The following LIM2 variants were observed in gnomAD, a reference collection of about 807,000 sequenced individuals.
LIM2 encodes the protein lens fiber membrane intrinsic protein.
In LIM2, 14 loss-of-function variants were observed where a neutral mutation model predicts 19.0. The observed-to-expected ratio is 0.74, with a 90% CI of 0.49 to 1.15. The LOEUF is 1.15. LIM2 is among the 50% of genes most tolerant of loss of function. The pLI is 0.00. For synonymous variants in LIM2, 78 were observed against 89.6 expected (o/e 0.87, Z 0.73); for missense variants, 230 against 243.5 (o/e 0.94, Z 0.37).
rs1475282515 is a variant in LIM2, at chr19:51,387,410, C to A, written c.34G>T (p.Ala12Ser). 1 of 1,614,140 alleles carries A rather than the reference C, an allele frequency of 6.2e-7. No individual in the cohort carries two copies. The highest frequency in any genetic ancestry group is 8.5e-7 in the Non-Finnish European group (1 of 1,180,036). ...YSFMGGGLFC[A>S]WVGTILLVVA... ...ACCAGGAGGATGGTCCCCACCCAGGCACAGAACAGGCCACCACCCATGAAG... is the reference window on the plus strand; with the variant it reads ...ACCAGGAGGATGGTCCCCACCCAGGAACAGAACAGGCCACCACCCATGAAG... Residue 12 changes from alanine to serine, a missense_variant, in exon 2 of 5, where the codon GCC (alanine) becomes TCC (serine). Physicochemically the swap from Ala to Ser is moderately conservative, Grantham distance 99 (BLOSUM62 1). Coordinates refer to ENST00000596399, the MANE Select transcript of LIM2 (RefSeq NM_001161748.2).
intron 2 of LIM2, among the ~76,000 whole-genome samples, chr19:51,383,548 C>T (rs1239674762): frequency 2.6e-5 from 4 of 152,198 alleles, no homozygotes; most frequent in Admixed American, 1.3e-4. Context: ...TGTTGAGCAC[C>T]GGGGCCATTC....
At chr19:51,385,277 T>G (rs2741240) in intron 2 of LIM2, among the ~76,000 whole-genome samples, 1 of 151,986 alleles carries the variant, frequency 6.6e-6, no homozygotes, top group African/African-American at 2.4e-5. Flanking sequence ...ATCCCAGCAC[T>G]TTGGGAGGCC....
intron 2 of LIM2, among the ~76,000 whole-genome samples, chr19:51,386,213 T>C (rs1340395363): frequency 6.6e-6 from 1 of 151,218 alleles, no homozygotes; most frequent in Non-Finnish European, 1.5e-5. Context: ...AGTCTCCGCC[T>C]CCCAGGTTCA....
rs1267733714 is a variant in LIM2, at chr19:51,379,977, T to C, written c.*224A>G. ...TGGATAGTCCATTTTTCTAACAACC[T>C]GCCAGGCAGACGGGGACTTGAGTCT... On this transcript the variant is annotated 3_prime_UTR_variant, in exon 5 of 5. Coordinates refer to ENST00000596399, the MANE Select transcript of LIM2 (RefSeq NM_001161748.2). The C allele has an allele frequency of 2.7e-5, 16 of 601,652 alleles. No homozygotes were observed. In the South Asian group the frequency reaches 3.2e-4, roughly 12 times the overall value. 37.3% of individuals were successfully genotyped at this position (601,652 alleles called of 1,614,324 possible). A position where few individuals can be genotyped will look rare whatever the true frequency, so the allele number is the denominator to read the frequency against.
intron 3 of LIM2, 79 bp from the exon 4 acceptor site, chr19:51,380,718 G>A: frequency 6.4e-7 from 1 of 1,557,158 alleles, no homozygotes; most frequent in South Asian, 1.1e-5. Flanking sequence ...GCTGATGATG[G>A]GGGTGGGAAC....
intron 2 of LIM2, among the ~76,000 whole-genome samples, chr19:51,385,627 T>A (rs1217329880): frequency 2.0e-5 from 3 of 152,188 alleles, no homozygotes; most frequent in Admixed American, 1.3e-4. Flanking sequence ...GAGAGGTGGC[T>A]CAGGGCTGTC....
intron 2 of LIM2, among the ~76,000 whole-genome samples, chr19:51,383,837 T>C (rs1438852643): frequency 6.6e-6 from 1 of 152,200 alleles, no homozygotes; most frequent in Non-Finnish European, 1.5e-5. Flanking sequence ...TGCTTGGCTA[T>C]TCTGTCTGCT....
chr19:51,381,977 C>T (rs969751036), intron 3 of LIM2, among the ~76,000 whole-genome samples: 1 of 152,222 alleles, frequency 6.6e-6, no homozygotes, highest in Admixed American at 6.5e-5. Context: ...ATCCACCTGC[C>T]TCGGCCTCCC....
At chr19:51,383,008 A>ATTTCTTTTTTTTTCT (rs1986938470) in intron 2 of LIM2, among the ~76,000 whole-genome samples, 1 of 83,156 alleles carries the variant, frequency 1.2e-5, no homozygotes, top group Non-Finnish European at 2.3e-5. Flanking sequence ...TCTCTCTCAC[A>ATTTCTTTTTTTTTCT]TTTCTTTTTT....
intron 3 of LIM2, among the ~76,000 whole-genome samples, chr19:51,380,964 C>A (rs564208048): frequency 6.6e-6 from 1 of 152,080 alleles, no homozygotes; most frequent in East Asian, 1.9e-4. Context: ...TTGGGCCCAA[C>A]CTGAGTTTAT....
chr19:51,384,012 C>T (rs1046613093), intron 2 of LIM2, among the ~76,000 whole-genome samples: 12 of 152,140 alleles, frequency 7.9e-5, no homozygotes, highest in African/African-American at 2.7e-4. Flanking sequence ...TTCTGTCCCC[C>T]GCCTCAAATG....
At chr19:51,383,952 G>A (rs192885303) in intron 2 of LIM2, among the ~76,000 whole-genome samples, 19 of 152,118 alleles carry the variant, frequency 1.2e-4, no homozygotes, top group African/African-American at 4.3e-4. Context: ...TAGAAGCCTC[G>A]GTGAGAGAAA....
chr19:51,384,208 A>C (rs1253130784), intron 2 of LIM2, among the ~76,000 whole-genome samples: 1 of 152,166 alleles, frequency 6.6e-6, no homozygotes, highest in East Asian at 1.9e-4. Flanking sequence ...AGGCAGGTGG[A>C]TCACCTGAGG....
In LIM2 at chr19:51,380,186, G is replaced by A. The variant is rs1358312920; in HGVS notation, c.*15C>T. The stretch of plus-strand genomic sequence containing the variant: ...CACTTTAACTTCCAGATGAAGTTGG[G>A]GGACACATTTGGGCTCAGCGGGGTG... On this transcript the variant is annotated 3_prime_UTR_variant, in exon 5 of 5. Transcript: ENST00000596399. 7 of 1,613,050 alleles carry A rather than the reference G, an allele frequency of 4.3e-6. No individual in the cohort carries two copies. Among genetic ancestry groups the A allele is most frequent in the Admixed American group, 3.3e-5 (2 of 59,928 alleles).
At chr19:51,385,483 T>C (rs1236405991) in intron 2 of LIM2, among the ~76,000 whole-genome samples, 2 of 152,066 alleles carry the variant, frequency 1.3e-5, no homozygotes, top group South Asian at 2.1e-4. Context: ...GATAGTGCCA[T>C]TGCACTCTGG....
At chr19:51,383,027 C>CTTTTTTTTTTTTTTTTTTTTTTT (rs1163859181) in intron 2 of LIM2, among the ~76,000 whole-genome samples, 3 of 88,308 alleles carry the variant, frequency 3.4e-5, no homozygotes, top group Non-Finnish European at 6.3e-5. Flanking sequence ...TTTTTCTTTT[C>CTTTTTTTTTTTTTTTTTTTTTTT]TTTTTTTTTT....
intron 3 of LIM2, among the ~76,000 whole-genome samples, chr19:51,381,762 G>A (rs1409424575): frequency 6.6e-6 from 1 of 152,180 alleles, no homozygotes; most frequent in Non-Finnish European, 1.5e-5. Context: ...GTCTCGCTCT[G>A]TCGCCCAGGC....
At chr19:51,380,893 G>A (rs2123663575) in intron 3 of LIM2, among the ~76,000 whole-genome samples, 2 of 152,242 alleles carry the variant, frequency 1.3e-5, no homozygotes, top group Middle Eastern at 6.8e-3. Context: ...GTTCCTGGGA[G>A]GGAGAAACAA....
intron 2 of LIM2, among the ~76,000 whole-genome samples, chr19:51,384,956 G>A (rs903872802): frequency 9.9e-5 from 15 of 152,094 alleles, no homozygotes; most frequent in African/African-American, 3.6e-4. Flanking sequence ...TTAAACTTCT[G>A]GGCTCAAGTG....
Sources: gnomAD v4.1 joint callset for allele counts (sites outside exome capture counted in the v4.1 genomes callset) on GRCh38, gnomAD v4.1.1 for gene constraint, MANE v1.5 for transcripts, NCBI Gene and HGNC (gene_info 2026-07-23, HGNC 2026-07-21) for gene names.